The following CTNND2 variants were observed in gnomAD, a reference collection of about 807,000 sequenced individuals.
CTNND2 encodes the protein catenin delta-2.
Under a neutral mutation model 144.4 loss-of-function variants are expected in CTNND2, and 22 were observed. The observed-to-expected ratio is 0.15, with a 90% CI of 0.11 to 0.22. The LOEUF is 0.22. CTNND2 is among the 10% of genes least tolerant of loss of function. CTNND2 has a pLI of 1.00. For synonymous variants in CTNND2, 751 were observed against 695.6 expected, an observed-to-expected ratio of 1.08 and a Z score of -1.25; for missense variants, 1,353 against 1,618.8, an observed-to-expected ratio of 0.84 and a Z score of 2.82.
chr5:11,018,443 A>G (rs1478868108), intron 17 of CTNND2, among the ~76,000 whole-genome samples: 1 of 152,204 alleles, frequency 6.6e-6, no homozygotes, highest in Non-Finnish European at 1.5e-5. Context: ...GCAAGAGATG[A>G]TTAAGCTTAG....
chr5:11,294,780 C>A (rs1013703412), intron 9 of CTNND2, among the ~76,000 whole-genome samples: 1 of 152,196 alleles, frequency 6.6e-6, no homozygotes, highest in Non-Finnish European at 1.5e-5. Flanking sequence ...CAAAATTCAA[C>A]AACCCTTCAT....
At chr5:11,527,815 T>A (rs1392087943) in intron 3 of CTNND2, among the ~76,000 whole-genome samples, 1 of 152,174 alleles carries the variant, frequency 6.6e-6, no homozygotes, top group Admixed American at 6.5e-5. Context: ...CAGAGAACAG[T>A]GGACACACAG....
At chr5:11,641,771 TATGTATGTAC>T (rs1782053884) in intron 2 of CTNND2, among the ~76,000 whole-genome samples, 1 of 148,384 alleles carries the variant, frequency 6.7e-6, no homozygotes, top group African/African-American at 2.5e-5. Flanking sequence ...CATATACGTA[TATGTATGTAC>T]ATACATACAC....
chr5:11,379,367 G>T (rs1236372035), intron 7 of CTNND2, among the ~76,000 whole-genome samples: 1 of 152,092 alleles, frequency 6.6e-6, no homozygotes, highest in Non-Finnish European at 1.5e-5. Flanking sequence ...AGACTACAGA[G>T]ATTCTGGGGT....
chr5:11,768,044 T>C (rs567804738), intron 1 of CTNND2, among the ~76,000 whole-genome samples: 1 of 151,900 alleles, frequency 6.6e-6, no homozygotes, highest in Non-Finnish European at 1.5e-5. Context: ...AAAATGGGAG[T>C]TGACCTGCCT....
chr5:11,649,750 CTTCA>C (rs1213614883), intron 2 of CTNND2, among the ~76,000 whole-genome samples: 2 of 152,034 alleles, frequency 1.3e-5, no homozygotes, highest in Non-Finnish European at 2.9e-5. Context: ...CATTTATGCT[CTTCA>C]TTAAGGTTTT....
chr5:11,686,087 TCC>T (rs998305546), intron 2 of CTNND2, among the ~76,000 whole-genome samples: 2 of 151,876 alleles, frequency 1.3e-5, no homozygotes, highest in African/African-American at 2.4e-5. Context: ...GTGCCTGTAG[TCC>T]CAGATACTCA....
intron 1 of CTNND2, among the ~76,000 whole-genome samples, chr5:11,873,968 G>C (rs951279232): frequency 1.3e-5 from 2 of 152,160 alleles, no homozygotes; most frequent in African/African-American, 4.8e-5. Flanking sequence ...TACCTGCAGG[G>C]GAATGGCAGT....
intron 5 of CTNND2, among the ~76,000 whole-genome samples, chr5:11,406,335 G>C (rs1488667694): frequency 6.6e-6 from 1 of 152,106 alleles, no homozygotes; most frequent in African/African-American, 2.4e-5. Flanking sequence ...GTCTATTGGA[G>C]GACCTGGTTT....
intron 1 of CTNND2, among the ~76,000 whole-genome samples, chr5:11,888,178 G>A (rs1467161390): frequency 1.3e-5 from 2 of 152,130 alleles, no homozygotes; most frequent in African/African-American, 2.4e-5. Context: ...AAAACAAAAT[G>A]TTGTTGAAAC....
At chr5:11,245,441 G>A (rs374765646) in intron 9 of CTNND2, among the ~76,000 whole-genome samples, 29 of 152,152 alleles carry the variant, frequency 1.9e-4, no homozygotes, top group African/African-American at 6.8e-4. Context: ...GAAGAGGGAC[G>A]CAGAGGGAGA....
chr5:11,865,322 T>A (rs1217863884), intron 1 of CTNND2, among the ~76,000 whole-genome samples: 1 of 152,218 alleles, frequency 6.6e-6, no homozygotes, highest in Non-Finnish European at 1.5e-5. Context: ...TTCTCTTTTT[T>A]TGTTTGGCAG....
chr5:11,552,505 C>T (rs1775852804), intron 3 of CTNND2, among the ~76,000 whole-genome samples: 1 of 152,152 alleles, frequency 6.6e-6, no homozygotes. Context: ...ATGTCCCCAT[C>T]CTAAAATATT....
chr5:11,643,524 T>C lies in CTNND2; in HGVS notation c.175-78468A>G, dbSNP rs577079631. Among the ~76,000 whole-genome samples the C allele has an allele frequency of 3.3e-5, 5 of 152,002 alleles. No individual in the cohort carries two copies. The East Asian group carries it at 9.7e-4, about 29-fold the overall frequency. ...CCTTGCGATAGTTTGCTGAGAATGA[T>C]GGTTTCCAGCTTCATCCATGTCCCT... On this transcript the variant is annotated intron_variant, in intron 2 of 21. Transcript: ENST00000304623.
chr5:11,129,013 T>A (rs1224755890), intron 12 of CTNND2, among the ~76,000 whole-genome samples: 3 of 42,232 alleles, frequency 7.1e-5, no homozygotes, highest in African/African-American at 1.6e-4. Context: ...AAATATATAT[T>A]ATATATAAAT....
chr5:11,368,154 T>C (rs1340858116), intron 7 of CTNND2, among the ~76,000 whole-genome samples: 1 of 152,146 alleles, frequency 6.6e-6, no homozygotes, highest in Non-Finnish European at 1.5e-5. Context: ...CTAAAGGGTA[T>C]TGGAATTTCC....
chr5:11,732,052 A>C (rs1787415828), intron 2 of CTNND2, 84 bp downstream of exon 2: 1 of 1,362,098 alleles, frequency 7.3e-7, no homozygotes, highest in South Asian at 1.4e-5. Context: ...TTCTTTTAAC[A>C]TAATTTAATC....
intron 9 of CTNND2, among the ~76,000 whole-genome samples, chr5:11,244,291 T>C (rs976146069): frequency 6.8e-6 from 1 of 147,352 alleles, no homozygotes; most frequent in African/African-American, 2.5e-5. Context: ...TTTTTTTTTT[T>C]TTTTTTTTTT....
rs909072301 is a variant in CTNND2 at position 11,154,015 on chromosome 5, A to G, written c.2159+5561T>C. ...ACCCATAGTTCACCCTGAAATGATGATAACAGCCACAGCGGGATCTTTAGG... is the reference window on the plus strand; with the variant it reads ...ACCCATAGTTCACCCTGAAATGATGGTAACAGCCACAGCGGGATCTTTAGG... On this transcript the variant is annotated intron_variant, in intron 12 of 21. Coordinates refer to ENST00000304623, the MANE Select transcript of CTNND2 (RefSeq NM_001332.4). 6.6e-5 allele frequency among the ~76,000 whole-genome samples: 10 copies of G among 152,342 alleles called. No homozygotes were observed. In the South Asian group the frequency reaches 1.0e-3, roughly 16 times the overall value.
Sources: gnomAD v4.1 joint callset for allele counts (sites outside exome capture counted in the v4.1 genomes callset) on GRCh38, gnomAD v4.1.1 for gene constraint, MANE v1.5 for transcripts, NCBI Gene and HGNC (gene_info 2026-07-23, HGNC 2026-07-21) for gene names.